NUDT3: variants seen among roughly 807,000 people sequenced by gnomAD.
NUDT3 encodes the protein nudix hydrolase 3.
In NUDT3, 9 loss-of-function variants were observed where a neutral mutation model predicts 23.6. That is an observed-to-expected ratio of 0.38 (90% confidence interval 0.23 to 0.66). The LOEUF (loss-of-function observed/expected upper bound fraction) is 0.66, where lower values mean the gene tolerates loss of function less well. Ranked by LOEUF, NUDT3 falls within the 30% of genes least tolerant of loss-of-function variation. NUDT3 has a pLI of 0.52. For missense variants in NUDT3, 172 were observed against 218.5 expected (o/e 0.79, Z 1.34); for synonymous variants, 86 against 82.6 (o/e 1.04, Z -0.22).
At chr6:34,308,056 G>C (rs1763708143) in intron 2 of NUDT3, among the ~76,000 whole-genome samples, 1 of 142,062 alleles carries the variant, frequency 7.0e-6, no homozygotes, top group African/African-American at 2.6e-5. Context: ...AGGAGGCAGA[G>C]GTTGCGGTGA....
At chr6:34,292,314 A>G (rs1460008564) in intron 4 of NUDT3, among the ~76,000 whole-genome samples, 1 of 152,184 alleles carries the variant, frequency 6.6e-6, no homozygotes, top group Non-Finnish European at 1.5e-5. Flanking sequence ...CAAGGCAAAC[A>G]CTAACATTAA....
chr6:34,299,914 A>AT (rs1175300124), intron 2 of NUDT3, among the ~76,000 whole-genome samples: 27 of 131,576 alleles, frequency 2.1e-4, no homozygotes, highest in African/African-American at 6.6e-4. Flanking sequence ...AAAAAAAAAA[A>AT]TATTTTTTTT....
rs1271963129 is a variant in NUDT3, at chr6:34,280,336, G to C, written c.*8417C>G. ...TGCAGTACCAAGCAAGGCTATTTTG[G>C]AAACAAGCAAACAAACAAAAAATGG... On this transcript the variant is annotated 3_prime_UTR_variant, in exon 5 of 5. Transcript: ENST00000607016. 3 of 152,240 alleles carry C rather than the reference G, an allele frequency of 2.0e-5. No individual in the cohort carries two copies. Among genetic ancestry groups the C allele is most frequent in the African/African-American group, 7.2e-5 (3 of 41,430 alleles). The allele number at this position is 152,240 out of a possible 1,614,324, so 9.4% of individuals were successfully genotyped here. A position where few individuals can be genotyped will look rare whatever the true frequency, so the allele number is the denominator to read the frequency against.
intron 2 of NUDT3, among the ~76,000 whole-genome samples, chr6:34,300,790 G>A (rs1763587029): frequency 1.3e-5 from 2 of 152,206 alleles, no homozygotes; most frequent in African/African-American, 4.8e-5. Context: ...ATTATTCGTA[G>A]CTGAAAGGTT....
At chr6:34,385,145 G>A (rs1424630496) in intron 1 of NUDT3, among the ~76,000 whole-genome samples, 2 of 151,708 alleles carry the variant, frequency 1.3e-5, no homozygotes, top group African/African-American at 2.4e-5. Flanking sequence ...TATGTGCAAA[G>A]AGGAAGCAAA....
chr6:34,318,582 T>C (rs1322320407), intron 2 of NUDT3, among the ~76,000 whole-genome samples: 1 of 152,198 alleles, frequency 6.6e-6, no homozygotes, highest in Admixed American at 6.5e-5. Context: ...CCTATATTAT[T>C]TTTAAACTGC....
At chr6:34,371,492 G>A (rs570045026) in intron 1 of NUDT3, among the ~76,000 whole-genome samples, 107 of 152,094 alleles carry the variant, frequency 7.0e-4, no homozygotes, top group African/African-American at 2.5e-3. Context: ...ATGCTTTGAA[G>A]ATAGCAAGTC....
intron 2 of NUDT3, among the ~76,000 whole-genome samples, chr6:34,321,159 C>T (rs1426594368): frequency 3.9e-5 from 6 of 152,014 alleles, no homozygotes; most frequent in Non-Finnish European, 8.8e-5. Context: ...TGTCTCAGGC[C>T]AGGCACGGTG....
intron 1 of NUDT3, among the ~76,000 whole-genome samples, chr6:34,370,766 G>T (rs1764813939): frequency 6.6e-6 from 1 of 152,098 alleles, no homozygotes; most frequent in African/African-American, 2.4e-5. Flanking sequence ...TATAGTTGTT[G>T]TACTGTTGAT....
intron 1 of NUDT3, among the ~76,000 whole-genome samples, chr6:34,384,361 C>T (rs1443471824): frequency 6.6e-6 from 1 of 152,196 alleles, no homozygotes; most frequent in Admixed American, 6.5e-5. Context: ...AGCTTTAAGG[C>T]ACAGGGAAAT....
intron 1 of NUDT3, among the ~76,000 whole-genome samples, chr6:34,381,743 C>G (rs181695966): frequency 2.0e-5 from 3 of 152,172 alleles, no homozygotes; most frequent in African/African-American, 7.2e-5. Flanking sequence ...ATAAGCCTAG[C>G]AATCAAATCA....
chr6:34,341,671 A>G (rs890541549), intron 2 of NUDT3, among the ~76,000 whole-genome samples, 191 bp downstream of exon 2: 1 of 152,266 alleles, frequency 6.6e-6, no homozygotes, highest in African/African-American at 2.4e-5. Flanking sequence ...AGTCTGGCAC[A>G]GAGTGCCGGT....
intron 1 of NUDT3, among the ~76,000 whole-genome samples, chr6:34,371,913 GC>G (rs1764837355): frequency 2.0e-5 from 3 of 152,050 alleles, no homozygotes; most frequent in Non-Finnish European, 4.4e-5. Context: ...ACTACAACAG[GC>G]CCCGGTGTGT....
chr6:34,367,485 T>TAA (rs558077030), intron 1 of NUDT3, among the ~76,000 whole-genome samples: 2 of 138,154 alleles, frequency 1.4e-5, no homozygotes, highest in South Asian at 2.3e-4. Context: ...TCCATCTCAT[T>TAA]AAAAAAAAAA....
At chr6:34,322,270 G>A (rs1478497119) in intron 2 of NUDT3, among the ~76,000 whole-genome samples, 1 of 150,368 alleles carries the variant, frequency 6.7e-6, no homozygotes, top group Non-Finnish European at 1.5e-5. Flanking sequence ...TCGCTCTGTC[G>A]CCCAGGCTGG....
rs1182514522 is a variant in NUDT3 at position 34,282,488 on chromosome 6, G to A, written c.*6265C>T. ...CTCAGAATTCCACAAAGGCTTAAGA[G>A]TGATCTAAATGCCTGGCTGGAAGCT... On this transcript the variant is annotated 3_prime_UTR_variant, in exon 5 of 5. Transcript: ENST00000607016. The A allele has an allele frequency of 3.3e-5, 5 of 152,230 alleles. No homozygotes were observed. Among genetic ancestry groups the A allele is most frequent in the Non-Finnish European group, 5.9e-5 (4 of 68,052 alleles). The allele number at this position is 152,230 out of a possible 1,614,324, so 9.4% of individuals were successfully genotyped here.
At chr6:34,304,304 T>A (rs1205175935) in intron 2 of NUDT3, among the ~76,000 whole-genome samples, 1 of 148,902 alleles carries the variant, frequency 6.7e-6, no homozygotes, top group Non-Finnish European at 1.5e-5. Flanking sequence ...TGGTGGCTCA[T>A]ACCTGTAATC....
At chr6:34,354,796 ATATTTTATATTTG>A in intron 1 of NUDT3, among the ~76,000 whole-genome samples, 1 of 146,992 alleles carries the variant, frequency 6.8e-6, no homozygotes, top group East Asian at 1.9e-4. Context: ...TGTATACTTT[ATATTTTATATTTG>A]TATTTTATAT....
intron 2 of NUDT3, among the ~76,000 whole-genome samples, chr6:34,336,188 G>A (rs1719480233): frequency 6.6e-6 from 1 of 152,094 alleles, no homozygotes; most frequent in Non-Finnish European, 1.5e-5. Context: ...AGAATCGCTT[G>A]AAACCCAGAG....
Sources: allele counts gnomAD v4.1 joint callset (sites outside exome capture counted in the v4.1 genomes callset), GRCh38; gene constraint gnomAD v4.1.1; transcripts MANE v1.5; gene names NCBI Gene and HGNC (gene_info 2026-07-23, HGNC 2026-07-21).